Variants in CHCHD6 observed in about 807,000 individuals in gnomAD.
CHCHD6 encodes the protein MICOS complex subunit MIC25.
CHCHD6 carries 28 observed loss-of-function variants against 32.3 expected under a neutral mutation model. The observed-to-expected ratio is 0.87, with a 90% CI of 0.64 to 1.19. The LOEUF is 1.19. CHCHD6 is among the 50% of genes most tolerant of loss of function. CHCHD6 has a pLI of 0.00. For missense variants in CHCHD6, 333 were observed against 307.0 expected, an observed-to-expected ratio of 1.08 and a Z score of -0.63; for synonymous variants, 122 against 117.5, an observed-to-expected ratio of 1.04 and a Z score of -0.25.
intron 5 of CHCHD6, among the ~76,000 whole-genome samples, chr3:126,905,659 TG>T (rs1207373280): frequency 2.0e-5 from 3 of 151,564 alleles, no homozygotes; most frequent in African/African-American, 7.3e-5. Flanking sequence ...GTGGCCAGGA[TG>T]GGGGGTGTGT....
At chr3:126,897,822 C>G (rs2077862945) in intron 5 of CHCHD6, among the ~76,000 whole-genome samples, 1 of 152,210 alleles carries the variant, frequency 6.6e-6, no homozygotes, top group Non-Finnish European at 1.5e-5. Context: ...CTGTCCCTTC[C>G]CTCCAGCTGC....
chr3:126,833,320 T>C (rs1346392531), intron 4 of CHCHD6, among the ~76,000 whole-genome samples: 1 of 152,184 alleles, frequency 6.6e-6, no homozygotes, highest in East Asian at 1.9e-4. Flanking sequence ...CTTGCCTCCT[T>C]CCTTGGCACG....
chr3:126,883,052 A>G (rs914214564), intron 5 of CHCHD6, among the ~76,000 whole-genome samples: 1 of 152,224 alleles, frequency 6.6e-6, no homozygotes, highest in Non-Finnish European at 1.5e-5. Context: ...TCTTGCCTAC[A>G]TAATGAAGCC....
intron 4 of CHCHD6, among the ~76,000 whole-genome samples, chr3:126,838,864 C>T (rs1940962093): frequency 6.6e-6 from 1 of 151,786 alleles, no homozygotes; most frequent in South Asian, 2.1e-4. Flanking sequence ...AACTTCTCAG[C>T]ATCATTCATT....
chr3:126,928,268 T>A (rs1309507365), intron 6 of CHCHD6, among the ~76,000 whole-genome samples: 1 of 152,230 alleles, frequency 6.6e-6, no homozygotes, highest in Non-Finnish European at 1.5e-5. Flanking sequence ...TAAAAGCATA[T>A]CCATCTTACC....
At position 126,855,921 on chromosome 3, in the gene CHCHD6, G is replaced by A. The variant is rs541910839; in HGVS notation, c.495+3191G>A. ...AGGAGAACCGCAAGGTCCCATGGCC[G>A]GCTGAGCAAGCAAACCACTGCTCAC... On this transcript the variant is annotated intron_variant, in intron 5 of 7. Transcript: ENST00000290913. Among the ~76,000 whole-genome samples the A allele has an allele frequency of 1.1e-4, 16 of 152,260 alleles. No individual in the cohort carries two copies. The East Asian group carries it at 2.9e-3, about 28-fold the overall frequency.
At chr3:126,891,765 G>T (rs1253620529) in intron 5 of CHCHD6, among the ~76,000 whole-genome samples, 1 of 152,114 alleles carries the variant, frequency 6.6e-6, no homozygotes, top group African/African-American at 2.4e-5. Context: ...GGGCTTGAGG[G>T]GTTAAGTAAG....
At chr3:126,934,297 A>ACTTTTT (rs2078446506) in intron 6 of CHCHD6, among the ~76,000 whole-genome samples, 4 of 152,188 alleles carry the variant, frequency 2.6e-5, no homozygotes, top group Non-Finnish European at 5.9e-5. Context: ...TTCTATGATA[A>ACTTTTT]CAGTTGTCAG....
At chr3:126,777,407 TAGTTATTTC>T in intron 4 of CHCHD6, among the ~76,000 whole-genome samples, 1 of 152,332 alleles carries the variant, frequency 6.6e-6, no homozygotes, top group South Asian at 2.1e-4. Context: ...ACCAAATCAA[TAGTTATTTC>T]AGCACCAAAT....
intron 6 of CHCHD6, among the ~76,000 whole-genome samples, chr3:126,925,657 C>A (rs1453499361): frequency 1.3e-5 from 2 of 152,162 alleles, no homozygotes; most frequent in Non-Finnish European, 2.9e-5. Context: ...AGGCAGCCAG[C>A]CACCATGCTT....
chr3:126,812,060 T>C (rs1939677866), intron 4 of CHCHD6, among the ~76,000 whole-genome samples: 1 of 152,042 alleles, frequency 6.6e-6, no homozygotes, highest in African/African-American at 2.4e-5. Flanking sequence ...TCAGGCCCTC[T>C]CATAAAGTTT....
chr3:126,808,360 G>A (rs1003867429), intron 4 of CHCHD6, among the ~76,000 whole-genome samples: 6 of 152,158 alleles, frequency 3.9e-5, no homozygotes, highest in African/African-American at 1.4e-4. Context: ...AATGAGGGCT[G>A]TAGGTCCAAC....
intron 4 of CHCHD6, among the ~76,000 whole-genome samples, chr3:126,833,092 A>G (rs1235414803): frequency 3.9e-5 from 6 of 152,234 alleles, no homozygotes; most frequent in Admixed American, 2.0e-4. Context: ...GCATGTGTGC[A>G]TGCATGTGCC....
At chr3:126,930,792 T>C (rs1451867107) in intron 6 of CHCHD6, among the ~76,000 whole-genome samples, 1 of 152,216 alleles carries the variant, frequency 6.6e-6, no homozygotes, top group Non-Finnish European at 1.5e-5. Flanking sequence ...GAAGCTCTTA[T>C]CTCCTTTAGA....
intron 4 of CHCHD6, among the ~76,000 whole-genome samples, chr3:126,793,723 T>C (rs754403179): frequency 6.6e-6 from 1 of 152,204 alleles, no homozygotes; most frequent in African/African-American, 2.4e-5. Context: ...CCTTCCTTTC[T>C]TCATTTTTTA....
chr3:126,942,759 C>T (rs77573150), intron 6 of CHCHD6, among the ~76,000 whole-genome samples: 5 of 152,170 alleles, frequency 3.3e-5, no homozygotes, highest in South Asian at 2.1e-4. Flanking sequence ...ATCTGAGCTC[C>T]GGGTGTGCTC....
At chr3:126,898,832 C>G (rs1194235872) in intron 5 of CHCHD6, among the ~76,000 whole-genome samples, 1 of 152,208 alleles carries the variant, frequency 6.6e-6, no homozygotes, top group African/African-American at 2.4e-5. Context: ...AGCCACCACA[C>G]CTGGCTGTGA....
chr3:126,904,336 CAAG>C (rs1168901511), intron 5 of CHCHD6, among the ~76,000 whole-genome samples: 5 of 152,180 alleles, frequency 3.3e-5, no homozygotes, highest in African/African-American at 1.2e-4. Context: ...GCTCCCCTGT[CAAG>C]GTCCACCATA....
chr3:126,871,998 T>C (rs2077479251), intron 5 of CHCHD6, among the ~76,000 whole-genome samples: 1 of 152,198 alleles, frequency 6.6e-6, no homozygotes, highest in African/African-American at 2.4e-5. Flanking sequence ...TCCATCATTG[T>C]ATTTCTCAGA....
Sources: allele counts gnomAD v4.1 joint callset (sites outside exome capture counted in the v4.1 genomes callset), GRCh38; gene constraint gnomAD v4.1.1; transcripts MANE v1.5; gene names NCBI Gene and HGNC (gene_info 2026-07-23, HGNC 2026-07-21).